Variants in SLC22A15 observed in about 807,000 individuals in gnomAD.
SLC22A15 encodes the protein solute carrier family 22 member 15, also known as flipt 1.
SLC22A15 carries 45 observed loss-of-function variants against 62.7 expected under a neutral mutation model. The observed-to-expected ratio is 0.72, with a 90% confidence interval of 0.56 to 0.92. The LOEUF (loss-of-function observed/expected upper bound fraction) is 0.92. Ranked by LOEUF, SLC22A15 falls within the 40% of genes least tolerant of loss-of-function variation. The probability of loss-of-function intolerance (pLI) is 0.00; values close to 1 mark genes in which losing one functional copy is unlikely to be tolerated. For synonymous variants in SLC22A15, 264 were observed against 267.0 expected (o/e 0.99, Z 0.11); for missense variants, 622 against 665.6 (o/e 0.93, Z 0.72).
At chr1:116,008,599 T>C (rs1187279073) in intron 2 of SLC22A15, among the ~76,000 whole-genome samples, 1 of 152,204 alleles carries the variant, frequency 6.6e-6, no homozygotes, top group East Asian at 1.9e-4. Context: ...ATTCCTCATA[T>C]AAAAAGTTTC....
At chr1:115,984,219 G>A (rs543298520) in intron 1 of SLC22A15, among the ~76,000 whole-genome samples, 2 of 152,276 alleles carry the variant, frequency 1.3e-5, no homozygotes, top group South Asian at 2.1e-4. Context: ...GTTATGTAAA[G>A]ATATATTCTT....
intron 8 of SLC22A15, among the ~76,000 whole-genome samples, chr1:116,054,178 C>T (rs1658135441): frequency 6.6e-6 from 1 of 152,110 alleles, no homozygotes; most frequent in Non-Finnish European, 1.5e-5. Context: ...TGCAGAGACA[C>T]ACATAGGCTC....
rs997351434 is a variant in SLC22A15 at position 116,030,883 on chromosome 1, A to G, written c.729-483A>G. ...CTATGTTAAAAATATTTCAGTTTAA[A>G]TTTTTTTTTCCTGATGAGATAATAA... is the stretch of plus-strand genomic sequence containing the variant. On this transcript the variant is annotated intron_variant, in intron 5 of 11. Coordinates refer to ENST00000369503, the MANE Select transcript of SLC22A15 (RefSeq NM_018420.3). 2.6e-5 allele frequency among the ~76,000 whole-genome samples: 4 copies of G among 151,176 alleles called. No individual in the cohort carries two copies. The East Asian group carries it at 5.8e-4, about 22-fold the overall frequency.
At position 115,992,196 on chromosome 1, in the gene SLC22A15, C is replaced by T; in HGVS notation, c.253C>T (p.His85Tyr). 1 of 1,608,384 alleles carries T rather than the reference C, an allele frequency of 6.2e-7. No homozygotes were observed. The highest frequency in any genetic ancestry group is 8.5e-7 in the Non-Finnish European group (1 of 1,177,220). ...CCTGACAGCCAACGGCAGTGAGATCCATAAGCACGTGCATTTCAGCAGCAG... is the reference window on the plus strand; with the variant it reads ...CCTGACAGCCAACGGCAGTGAGATCTATAAGCACGTGCATTTCAGCAGCAG... ...WLLTANGSEI[H>Y]KHVHFSSSFT... is the part of the protein sequence containing the mutation. Residue 85 changes from histidine to tyrosine, a missense_variant, in exon 2 of 12, where the codon CAT (histidine) becomes TAT (tyrosine). Coordinates refer to ENST00000369503, the MANE Select transcript of SLC22A15 (RefSeq NM_018420.3).
chr1:116,000,130 ACTACTGCCC>A (rs1557878421), intron 2 of SLC22A15, among the ~76,000 whole-genome samples: 1 of 152,098 alleles, frequency 6.6e-6, no homozygotes, highest in Non-Finnish European at 1.5e-5. Context: ...TTAAGGACTT[ACTACTGCCC>A]TTTTGTTATT....
At chr1:115,994,155 G>A (rs76180432) in intron 2 of SLC22A15, among the ~76,000 whole-genome samples, 62 of 151,994 alleles carry the variant, frequency 4.1e-4, no homozygotes, top group African/African-American at 1.4e-3. Flanking sequence ...TTGTATTTCC[G>A]TGGCCTATAG....
intron 6 of SLC22A15, chr1:116,032,056 A>G (rs1657432455): frequency 1.0e-6 from 1 of 985,272 alleles, no homozygotes; most frequent in African/African-American, 1.7e-5. Context: ...TAACTCACTG[A>G]GGTGGGCTAA....
At chr1:116,062,070 G>C (rs749804843) in intron 8 of SLC22A15, among the ~76,000 whole-genome samples, 2 of 152,058 alleles carry the variant, frequency 1.3e-5, no homozygotes, top group African/African-American at 4.8e-5. Flanking sequence ...TTAGCTGGGC[G>C]TAATGGTGGG....
At chr1:115,989,131 TTGTG>T in intron 1 of SLC22A15, among the ~76,000 whole-genome samples, 1 of 131,256 alleles carries the variant, frequency 7.6e-6, no homozygotes, top group East Asian at 2.2e-4. Context: ...GTGTGTGTGT[TTGTG>T]TGGGTGTGTG....
chr1:116,049,505 G>T (rs1658001037), intron 8 of SLC22A15, among the ~76,000 whole-genome samples: 1 of 152,102 alleles, frequency 6.6e-6, no homozygotes, highest in African/African-American at 2.4e-5. Flanking sequence ...TGAGCATCAG[G>T]TCAAAAACAA....
chr1:115,984,686 G>A (rs1654769521), intron 1 of SLC22A15, among the ~76,000 whole-genome samples: 1 of 152,234 alleles, frequency 6.6e-6, no homozygotes, highest in South Asian at 2.1e-4. Context: ...AGAAGGCATG[G>A]TGTGATAGGA....
intron 1 of SLC22A15, among the ~76,000 whole-genome samples, chr1:115,981,227 A>C (rs1570679818): frequency 6.6e-6 from 1 of 152,194 alleles, no homozygotes; most frequent in East Asian, 1.9e-4. Context: ...GTTATAAAAG[A>C]CTAACTGTCA....
intron 2 of SLC22A15, among the ~76,000 whole-genome samples, chr1:116,009,212 T>A (rs1045972338): frequency 2.6e-5 from 4 of 152,186 alleles, no homozygotes; most frequent in Non-Finnish European, 4.4e-5. Flanking sequence ...AGGCCTCCTC[T>A]GTTTCACATG....
intron 8 of SLC22A15, among the ~76,000 whole-genome samples, chr1:116,056,750 C>T (rs991575639): frequency 2.2e-4 from 34 of 152,106 alleles, no homozygotes; most frequent in African/African-American, 8.0e-4. Context: ...GATGTAACGC[C>T]GCATATCTAC....
chr1:116,046,464 A>G (rs76227373), intron 8 of SLC22A15, among the ~76,000 whole-genome samples: 2,595 of 152,280 alleles, frequency 0.017, 71 homozygotes, highest in African/African-American at 0.059. Context: ...GCAAATAAAT[A>G]TGGGGAAAGT....
chr1:116,028,504 G>T (rs557231682), intron 5 of SLC22A15, among the ~76,000 whole-genome samples: 1 of 146,646 alleles, frequency 6.8e-6, no homozygotes, highest in South Asian at 2.2e-4. Context: ...CACTTCACTG[G>T]ATGATCTGAG....
chr1:115,994,934 A>G (rs1481249773), intron 2 of SLC22A15, among the ~76,000 whole-genome samples: 1 of 152,208 alleles, frequency 6.6e-6, no homozygotes, highest in Non-Finnish European at 1.5e-5. Context: ...AGGATCACAC[A>G]TGACATTTAG....
In SLC22A15 at chr1:116,062,895, C is replaced by T. The variant is rs201595302; in HGVS notation, c.1292+13C>T. Reference sequence around the variant, plus strand: ...CTACAGTCATCAGGTACGTGTCTCACACAGCCTCATTCTTCACACATTCTA... The same window carrying T: ...CTACAGTCATCAGGTACGTGTCTCATACAGCCTCATTCTTCACACATTCTA... On this transcript the variant is annotated intron_variant, in intron 9 of 11. Coordinates refer to ENST00000369503, the MANE Select transcript of SLC22A15 (RefSeq NM_018420.3). 3.7e-4 allele frequency: 597 copies of T among 1,612,692 alleles called. No homozygotes were observed. The highest frequency in any genetic ancestry group is 4.6e-4 in the Non-Finnish European group (545 of 1,179,024).
chr1:116,038,303 AT>A (rs1347716459), intron 8 of SLC22A15, among the ~76,000 whole-genome samples: 1 of 152,164 alleles, frequency 6.6e-6, no homozygotes, highest in African/African-American at 2.4e-5. Context: ...TGAAGAATTC[AT>A]TTTTTGTCAG....
Sources: allele counts gnomAD v4.1 joint callset (sites outside exome capture counted in the v4.1 genomes callset), GRCh38; gene constraint gnomAD v4.1.1; transcripts MANE v1.5; gene names NCBI Gene and HGNC (gene_info 2026-07-23, HGNC 2026-07-21).